Variants in MCC observed in about 807,000 individuals in gnomAD.
The protein encoded by MCC is MCC regulator of Wnt signaling pathway.
Under a neutral mutation model 116.2 loss-of-function variants are expected in MCC, and 90 were observed. The ratio of observed to expected loss-of-function variants is 0.77; its 90% confidence interval spans 0.65 to 0.92. The LOEUF is 0.92. MCC is among the 40% of genes least tolerant of loss of function. The pLI is 0.00. For synonymous variants in MCC, 578 were observed against 510.5 expected, an observed-to-expected ratio of 1.13 and a Z score of -1.78; for missense variants, 1,516 against 1,312.2, an observed-to-expected ratio of 1.16 and a Z score of -2.40.
At chr5:113,400,603 C>T (rs558563259) in intron 1 of MCC, among the ~76,000 whole-genome samples, 1 of 152,150 alleles carries the variant, frequency 6.6e-6, no homozygotes, top group Non-Finnish European at 1.5e-5. Flanking sequence ...CTCTGCCATT[C>T]TTGGGGAAAA....
At position 113,064,054 on chromosome 5, in the gene MCC, C is replaced by A. The variant is rs151039584; in HGVS notation, c.2143G>T (p.Gly715Trp). The A allele has an allele frequency of 3.1e-5, 50 of 1,614,220 alleles. No homozygotes were observed. Among genetic ancestry groups the A allele is most frequent in the South Asian group, 1.8e-4 (16 of 91,086 alleles). The change falls in exon 14 of 19, where the codon GGG (glycine) becomes TGG (tryptophan). Residue 715 changes from glycine (G) to tryptophan (W), a missense_variant. Transcript: ENST00000408903. ...ALLMKLDGSC[G>W]GAFAVAGCSV... ...CAGCCGGCCACGGCAAAGGCTCCCC[C>A]ACAGCTGCCGTCCAGCTTCATGAGC... is the stretch of plus-strand genomic sequence containing the variant.
intron 11 of MCC, among the ~76,000 whole-genome samples, chr5:113,075,779 C>G (rs1195363674): frequency 6.6e-6 from 1 of 152,214 alleles, no homozygotes; most frequent in East Asian, 1.9e-4. Flanking sequence ...GCTTTGTTCT[C>G]TTGCTCTTCA....
intron 6 of MCC, among the ~76,000 whole-genome samples, chr5:113,110,169 T>G (rs1282093205): frequency 6.6e-6 from 1 of 152,138 alleles, no homozygotes; most frequent in Non-Finnish European, 1.5e-5. Context: ...AGAGGAGGCC[T>G]TTGGTAGCAA....
intron 2 of MCC, among the ~76,000 whole-genome samples, chr5:113,381,796 A>T (rs943532950): frequency 3.3e-5 from 5 of 152,108 alleles, no homozygotes; most frequent in African/African-American, 1.2e-4. Context: ...TCAAATAAAT[A>T]AATAAATAAA....
chr5:113,350,106 G>A (rs985805912), intron 2 of MCC, among the ~76,000 whole-genome samples: 4 of 152,072 alleles, frequency 2.6e-5, no homozygotes, highest in African/African-American at 9.7e-5. Flanking sequence ...TTGTTAAACT[G>A]TCCATACTAC....
intron 1 of MCC, among the ~76,000 whole-genome samples, chr5:113,422,038 T>A (rs570638216): frequency 6.6e-6 from 1 of 152,182 alleles, no homozygotes; most frequent in African/African-American, 2.4e-5. Flanking sequence ...AGAATATAAA[T>A]TAGTGAATCC....
chr5:113,167,202 T>A (rs1333410200), intron 3 of MCC, among the ~76,000 whole-genome samples: 1 of 152,166 alleles, frequency 6.6e-6, no homozygotes, highest in Non-Finnish European at 1.5e-5. Context: ...GCATTTCTTT[T>A]CATGTGGCAA....
In MCC at chr5:113,230,015, T is replaced by C. The variant is rs570021195; in HGVS notation, c.628-78593A>G. Among the ~76,000 whole-genome samples, 9 of 152,332 alleles carry C rather than the reference T, an allele frequency of 5.9e-5. No individual in the cohort carries two copies. In the South Asian group the frequency reaches 1.5e-3, roughly 25 times the overall value. ...TTCTGCTCCACTACAATCTTCTCTC[T>C]AGCTAATGTGTAGTCAAAGGATGGA... On this transcript the variant is annotated intron_variant, in intron 3 of 18. Transcript: ENST00000408903.
chr5:113,090,979 G>A (rs1193112687), intron 8 of MCC, among the ~76,000 whole-genome samples: 1 of 152,216 alleles, frequency 6.6e-6, no homozygotes, highest in African/African-American at 2.4e-5. Context: ...TGTGAGCAGG[G>A]CACAGAATGA....
chr5:113,413,877 T>C (rs1230698912), intron 1 of MCC, among the ~76,000 whole-genome samples: 2 of 152,238 alleles, frequency 1.3e-5, no homozygotes, highest in African/African-American at 4.8e-5. Flanking sequence ...GTGTCAATTT[T>C]AGATCTTTCC....
chr5:113,481,374 G>C (rs1772373305), intron 1 of MCC, among the ~76,000 whole-genome samples: 1 of 152,056 alleles, frequency 6.6e-6, no homozygotes, highest in African/African-American at 2.4e-5. Context: ...GAAATAATTA[G>C]AAACAATCTA....
intron 8 of MCC, among the ~76,000 whole-genome samples, chr5:113,086,689 G>T (rs1581026719): frequency 6.6e-6 from 1 of 152,154 alleles, no homozygotes; most frequent in South Asian, 2.1e-4. Flanking sequence ...AACCTTGGTC[G>T]CAGTTTCAGC....
intron 2 of MCC, among the ~76,000 whole-genome samples, chr5:113,367,201 T>C (rs1448915473): frequency 6.6e-6 from 1 of 152,162 alleles, no homozygotes; most frequent in Non-Finnish European, 1.5e-5. Flanking sequence ...AAATAATGAA[T>C]ATGCAAATTA....
intron 1 of MCC, among the ~76,000 whole-genome samples, chr5:113,452,353 C>T (rs1266319842): frequency 6.6e-6 from 1 of 152,192 alleles, no homozygotes; most frequent in Non-Finnish European, 1.5e-5. Context: ...TATGTTAAAA[C>T]TTAATCACCA....
In MCC at chr5:113,117,591, T is replaced by C. The variant is rs190405871; in HGVS notation, c.1027+5093A>G. 2.3e-3 allele frequency among the ~76,000 whole-genome samples: 349 copies of C among 152,296 alleles called. 1 individual carries two copies. Among genetic ancestry groups the C allele is most frequent in the Non-Finnish European group, 2.8e-3 (193 of 68,014 alleles). On this transcript the variant is annotated intron_variant, in intron 6 of 18. Transcript: ENST00000408903. ...CCCAAAATCAGAAGAGATCTCAAAA[T>C]AACAGAATGCTTCACTGGCTGTGCA...
chr5:113,329,317 T>C (rs752630297), intron 3 of MCC, among the ~76,000 whole-genome samples: 6 of 152,016 alleles, frequency 3.9e-5, no homozygotes, highest in African/African-American at 1.2e-4. Context: ...GTTGGGTGAA[T>C]TGGAAGAAGA....
rs1463831890 is a variant in MCC at position 113,101,551 on chromosome 5, T to TA, written c.1398+187dup. 5 of 580,802 alleles carry TA rather than the reference T, an allele frequency of 8.6e-6. No individual in the cohort carries two copies. In the East Asian group the frequency reaches 1.4e-4, roughly 17 times the overall value. 36.0% of individuals were successfully genotyped at this position (580,802 alleles called of 1,614,324 possible). A position where few individuals can be genotyped will look rare whatever the true frequency, so the allele number is the denominator to read the frequency against. On this transcript the variant is annotated intron_variant, in intron 8 of 18. Transcript: ENST00000408903. ...GAGAAAAGTGTTTGCTTTTTTTTTTTAAATCTTACCTCTATACCTTAGCAA... is the reference window on the plus strand; with the variant it reads ...GAGAAAAGTGTTTGCTTTTTTTTTTTAAAATCTTACCTCTATACCTTAGCAA...
chr5:113,434,791 T>G lies in MCC; in HGVS notation c.171-49579A>C, dbSNP rs746760750. The stretch of plus-strand genomic sequence containing the variant: ...TTTGCATAGGAGCCCTCTCCTAAAT[T>G]TATCCCCAGGAGGTAGCCTCGTCGC... On this transcript the variant is annotated intron_variant, in intron 1 of 18. Transcript: ENST00000408903. This position sits in a 1 kb window ranked among gnomAD's most constrained non-coding sequence, Gnocchi z 4.2. 3 of 1,613,310 alleles carry G rather than the reference T, an allele frequency of 1.9e-6. No homozygotes were observed. The East Asian group carries it at 6.7e-5, about 36-fold the overall frequency.
intron 3 of MCC, among the ~76,000 whole-genome samples, chr5:113,274,295 A>G (rs1395932991): frequency 6.6e-6 from 1 of 152,218 alleles, no homozygotes; most frequent in Non-Finnish European, 1.5e-5. Context: ...CCCCTAGGAA[A>G]GGGGGAAACC....
Sources: allele counts gnomAD v4.1 joint callset (sites outside exome capture counted in the v4.1 genomes callset), GRCh38; gene constraint gnomAD v4.1.1; non-coding constraint Gnocchi (gnomAD v3.1); transcripts MANE v1.5; gene names NCBI Gene and HGNC (gene_info 2026-07-23, HGNC 2026-07-21).